The following LTA variants were observed in gnomAD, a reference collection of about 807,000 sequenced individuals.
LTA encodes the protein lymphotoxin-alpha.
A neutral mutation model predicts 15.1 loss-of-function variants in LTA; 6 were observed. That is an observed-to-expected ratio of 0.40 (90% CI 0.22 to 0.78). LTA has a LOEUF of 0.78. LTA is among the 30% of genes least tolerant of loss of function. LTA has a pLI of 0.38. For synonymous variants in LTA, 87 were observed against 107.3 expected (o/e 0.81, Z 1.17); for missense variants, 173 against 249.5 (o/e 0.69, Z 2.06).
At chr6:31,564,530 G>A in the LTA span, among the ~76,000 whole-genome samples, 14 of 151,606 alleles carry the variant, frequency 9.2e-5, no homozygotes, top group South Asian at 2.1e-4. Flanking sequence ...TGATCCACCC[G>A]CCTCAGCCTC....
In LTA at chr6:31,572,973, C is replaced by T. The variant is rs772841949; in HGVS notation, c.145C>T (p.Arg49Cys). 3.1e-6 allele frequency: 5 copies of T among 1,612,642 alleles called. No homozygotes were observed. The highest frequency in any genetic ancestry group is 2.7e-5 in the African/African-American group (2 of 74,756). ...GLTPSAAQTA[R>C]QHPKMHLAHS... ...CACACCTTCAGCTGCCCAGACTGCC[C>T]GTCAGCACCCCAAGATGCATCTTGC... The change falls in exon 3 of 4, where the codon CGT becomes TGT. Residue 49 changes from arginine (R) to cysteine (C), a missense_variant. Physicochemically the swap from Arg to Cys is radical, Grantham distance 180. Transcript: ENST00000418386.
upstream of LTA, among the ~76,000 whole-genome samples, chr6:31,569,264 C>G (rs763934267): frequency 8.5e-5 from 13 of 152,170 alleles, no homozygotes; most frequent in Non-Finnish European, 1.8e-4. Flanking sequence ...TCGCCTCAGC[C>G]TCCCAAAGTG....
chr6:31,571,130 G>C (rs1770812925), upstream of LTA, among the ~76,000 whole-genome samples: 1 of 149,208 alleles, frequency 6.7e-6, no homozygotes, highest in Non-Finnish European at 1.5e-5. Flanking sequence ...GTGCGATCTT[G>C]ACTCACTGCA....
chr6:31,567,604 T>TC (rs9281525), upstream of LTA, among the ~76,000 whole-genome samples: 50,208 of 103,120 alleles, frequency 0.49, 9,568 homozygotes, highest in East Asian at 0.56. Context: ...ACCTCCCTCT[T>TC]TCTCTCTCTC....
chr6:31,573,063 T>TCC (rs1410719454), intron 3 of LTA, 30 bp downstream of exon 3: 1 of 1,564,764 alleles, frequency 6.4e-7, no homozygotes, highest in South Asian at 1.1e-5. Flanking sequence ...CCCAGACATG[T>TCC]CCCCACCAGC....
At chr6:31,567,319 G>T (rs1274628845), upstream of LTA, among the ~76,000 whole-genome samples, 2 of 151,990 alleles carry the variant, frequency 1.3e-5, no homozygotes, top group Admixed American at 1.3e-4. Flanking sequence ...ACTTTGGGAG[G>T]CCAAGATGGG....
upstream of LTA, among the ~76,000 whole-genome samples, chr6:31,570,159 G>A (rs377612450): frequency 6.6e-6 from 1 of 152,096 alleles, no homozygotes; most frequent in Non-Finnish European, 1.5e-5. Context: ...TTTATTATAG[G>A]AGTATTGGCC....
the LTA span, among the ~76,000 whole-genome samples, chr6:31,560,808 G>C: frequency 6.6e-6 from 1 of 152,170 alleles, no homozygotes; most frequent in Non-Finnish European, 1.5e-5. Flanking sequence ...AAGGATCTGG[G>C]AGGGACTCTG....
chr6:31,565,083 G>GT, the LTA span, among the ~76,000 whole-genome samples: 1 of 152,146 alleles, frequency 6.6e-6, no homozygotes, highest in Non-Finnish European at 1.5e-5. Flanking sequence ...ATGAGGAGGA[G>GT]TTTATCAGTG....
Position 31,574,205 on chromosome 6 carries a change from A to G in LTA, c.*512A>G, listed in dbSNP as rs945507887. 3.2e-5 allele frequency: 7 copies of G among 218,534 alleles called. No homozygotes were observed. Among genetic ancestry groups the G allele is most frequent in the Non-Finnish European group, 4.7e-5 (5 of 107,204 alleles). 13.5% of individuals were successfully genotyped at this position (218,534 alleles called of 1,614,324 possible). A position where few individuals can be genotyped will look rare whatever the true frequency, so the allele number is the denominator to read the frequency against. ...CTGACCAAGAGAGAAAGAAGTAGGC[A>G]TGAGGGATCACAGGGCCCCAGAAGG... On this transcript the variant is annotated 3_prime_UTR_variant, in exon 4 of 4. Coordinates refer to ENST00000418386, the MANE Select transcript of LTA (RefSeq NM_000595.4).
At chr6:31,566,712 G>A in the LTA span, among the ~76,000 whole-genome samples, 1 of 148,074 alleles carries the variant, frequency 6.8e-6, no homozygotes, top group Admixed American at 6.8e-5. Flanking sequence ...GGAGGCCGAC[G>A]CAAGTGGATC....
At chr6:31,565,778 C>G in the LTA span, among the ~76,000 whole-genome samples, 2 of 152,190 alleles carry the variant, frequency 1.3e-5, no homozygotes, top group African/African-American at 4.8e-5. Flanking sequence ...CCAAACTTGT[C>G]TACTTCTCTC....
At chr6:31,569,981 T>C (rs1770750819), upstream of LTA, among the ~76,000 whole-genome samples, 1 of 152,166 alleles carries the variant, frequency 6.6e-6, no homozygotes, top group African/African-American at 2.4e-5. Context: ...CATTAGATGA[T>C]ACTCCTTTTG....
chr6:31,565,319 G>T, the LTA span, among the ~76,000 whole-genome samples: 1 of 152,308 alleles, frequency 6.6e-6, no homozygotes, highest in South Asian at 2.1e-4. Context: ...GGTCCTTGTG[G>T]GGTAGGGAAT....
upstream of LTA, among the ~76,000 whole-genome samples, chr6:31,567,377 C>G (rs894961880): frequency 6.6e-6 from 1 of 152,140 alleles, no homozygotes; most frequent in Non-Finnish European, 1.5e-5. Flanking sequence ...GCAGCATAGA[C>G]CCTGTCTCAA....
chr6:31,573,680 C>A lies in LTA; in HGVS notation c.605C>A (p.Ala202Asp). ...VLSPSTVFFG[A>D]FAL is the part of the protein sequence containing the mutation. The stretch of plus-strand genomic sequence containing the variant: ...AGCCCTAGTACTGTCTTCTTTGGAG[C>A]CTTCGCTCTGTAGAACTTGGAAAAA... The change falls in exon 4 of 4, where the codon GCC becomes GAC. Residue 202 changes from alanine (A) to aspartate (D), a missense_variant. By Grantham distance (126) the Ala-to-Asp change is moderately radical. Coordinates refer to ENST00000418386, the MANE Select transcript of LTA (RefSeq NM_000595.4). 6.2e-7 allele frequency: 1 copy of A among 1,613,646 alleles called. No homozygotes were observed. The highest frequency in any genetic ancestry group is 8.5e-7 in the Non-Finnish European group (1 of 1,179,752).
At chr6:31,568,471 G>A (rs1026733062), upstream of LTA, among the ~76,000 whole-genome samples, 1 of 152,152 alleles carries the variant, frequency 6.6e-6, no homozygotes, top group Non-Finnish European at 1.5e-5. The surrounding 1 kb of genome is among the most constrained non-coding windows in gnomAD (Gnocchi z 4.1). Flanking sequence ...AGTTGGGGTT[G>A]AGTTTGAGTT....
At chr6:31,568,407 T>G (rs916254757), upstream of LTA, among the ~76,000 whole-genome samples, 1 of 152,008 alleles carries the variant, frequency 6.6e-6, no homozygotes, top group Non-Finnish European at 1.5e-5. The surrounding 1 kb of genome is among the most constrained non-coding windows in gnomAD (Gnocchi z 4.1). Context: ...AGAGGAGAAG[T>G]TTTATTTAGG....
upstream of LTA, among the ~76,000 whole-genome samples, chr6:31,567,285 C>T (rs1475729175): frequency 6.6e-6 from 1 of 151,842 alleles, no homozygotes. Flanking sequence ...CGAGCGAAAC[C>T]GCCTCTCAAA....
Sources: allele counts gnomAD v4.1 joint callset (sites outside exome capture counted in the v4.1 genomes callset), GRCh38; gene constraint gnomAD v4.1.1; non-coding constraint Gnocchi (gnomAD v3.1); transcripts MANE v1.5; gene names NCBI Gene and HGNC (gene_info 2026-07-23, HGNC 2026-07-21).